KCNJ3: variants seen among roughly 807,000 people sequenced by gnomAD.
The protein encoded by KCNJ3 is G protein-activated inward rectifier potassium channel 1.
Under a neutral mutation model 39.2 loss-of-function variants are expected in KCNJ3, and 4 were observed. The observed-to-expected ratio is 0.10, with a 90% CI of 0.05 to 0.23. KCNJ3 has a LOEUF of 0.23. KCNJ3 is among the 10% of genes least tolerant of loss of function. The pLI is 1.00. For synonymous variants in KCNJ3, 230 were observed against 237.4 expected, an observed-to-expected ratio of 0.97 and a Z score of 0.29; for missense variants, 276 against 634.9, an observed-to-expected ratio of 0.43 and a Z score of 6.08.
chr2:154,772,122 G>T (rs1303321596), intron 2 of KCNJ3, among the ~76,000 whole-genome samples: 1 of 152,158 alleles, frequency 6.6e-6, no homozygotes, highest in Non-Finnish European at 1.5e-5. Context: ...AAAGATGACT[G>T]ACTGGCTTGA....
At chr2:154,731,797 G>T (rs1574438865) in intron 2 of KCNJ3, among the ~76,000 whole-genome samples, 1 of 151,734 alleles carries the variant, frequency 6.6e-6, no homozygotes, top group East Asian at 1.9e-4. Context: ...AAGTGGAGGG[G>T]ATTCCAGGGT....
chr2:154,807,765 A>C (rs1345299154), intron 2 of KCNJ3, among the ~76,000 whole-genome samples: 2 of 152,160 alleles, frequency 1.3e-5, no homozygotes, highest in South Asian at 4.1e-4. Flanking sequence ...GGCAGATCTA[A>C]GAGTTGTTTA....
chr2:154,782,537 C>T (rs113444630), intron 2 of KCNJ3, among the ~76,000 whole-genome samples: 1 of 68,168 alleles, frequency 1.5e-5, no homozygotes, highest in African/African-American at 4.7e-5. Flanking sequence ...CACACACACA[C>T]ACATACACGC....
In KCNJ3 at chr2:154,847,765, A is replaced by T. The variant is rs79204533; in HGVS notation, c.920-6962A>T. ...AAATCAGCAGGGTGGGCCTTAATGTACAGATAATGAAACTAAAGCTTAAAG... is the reference window on the plus strand; with the variant it reads ...AAATCAGCAGGGTGGGCCTTAATGTTCAGATAATGAAACTAAAGCTTAAAG... On this transcript the variant is annotated intron_variant, in intron 2 of 2. Coordinates refer to ENST00000295101, the MANE Select transcript of KCNJ3 (RefSeq NM_002239.4). Among the ~76,000 whole-genome samples the T allele has an allele frequency of 4.6e-5, 7 of 152,318 alleles. No homozygotes were observed. In the East Asian group the frequency reaches 1.3e-3, roughly 29 times the overall value.
At chr2:154,701,620 T>C (rs1462533296) in intron 1 of KCNJ3, among the ~76,000 whole-genome samples, 1 of 152,064 alleles carries the variant, frequency 6.6e-6, no homozygotes, top group Non-Finnish European at 1.5e-5. Context: ...AGATGAAAGA[T>C]GTATAGTGTC....
At chr2:154,719,072 C>T (rs573370929) in intron 2 of KCNJ3, among the ~76,000 whole-genome samples, 1 of 152,104 alleles carries the variant, frequency 6.6e-6, no homozygotes, top group Non-Finnish European at 1.5e-5. Flanking sequence ...GGTCTTGGGA[C>T]TACCTGTATC....
rs1370972437 is a variant in KCNJ3, at chr2:154,728,169, G to A, written c.919+18350G>A. On this transcript the variant is annotated intron_variant, in intron 2 of 2. Coordinates refer to ENST00000295101, the MANE Select transcript of KCNJ3 (RefSeq NM_002239.4). ...TAGTACTCTATATCATATTGCATAT[G>A]TATTAGTATAGATACATACCTGGTT... 2.0e-5 allele frequency among the ~76,000 whole-genome samples: 3 copies of A among 151,726 alleles called. No homozygotes were observed. In the East Asian group the frequency reaches 5.8e-4, roughly 29 times the overall value.
At chr2:154,715,936 C>T (rs1382041144) in intron 2 of KCNJ3, among the ~76,000 whole-genome samples, 2 of 152,100 alleles carry the variant, frequency 1.3e-5, no homozygotes, top group Non-Finnish European at 1.5e-5. Flanking sequence ...TACTTATCAC[C>T]AACTTTACCA....
intron 2 of KCNJ3, among the ~76,000 whole-genome samples, chr2:154,735,121 T>C (rs990172227): frequency 2.2e-5 from 3 of 139,374 alleles, no homozygotes; most frequent in Non-Finnish European, 3.0e-5. Context: ...GAGTCTCGCT[T>C]TGTCGCCCAG....
intron 2 of KCNJ3, among the ~76,000 whole-genome samples, chr2:154,746,352 C>A (rs966159779): frequency 2.6e-5 from 4 of 151,802 alleles, no homozygotes; most frequent in South Asian, 2.1e-4. Context: ...CCCTAGCCCC[C>A]ACATTGTTTA....
At chr2:154,837,786 G>A (rs999584936) in intron 2 of KCNJ3, among the ~76,000 whole-genome samples, 1 of 152,160 alleles carries the variant, frequency 6.6e-6, no homozygotes, top group African/African-American at 2.4e-5. Context: ...GACTGGTGAT[G>A]CCTTTGCATG....
intron 2 of KCNJ3, among the ~76,000 whole-genome samples, chr2:154,781,799 T>G (rs1686444116): frequency 6.6e-6 from 1 of 152,168 alleles, no homozygotes; most frequent in Non-Finnish European, 1.5e-5. Flanking sequence ...ATGATGTAAA[T>G]GTGGAGTATA....
intron 2 of KCNJ3, among the ~76,000 whole-genome samples, chr2:154,759,208 C>A (rs1477525362): frequency 2.0e-5 from 3 of 152,164 alleles, no homozygotes; most frequent in Non-Finnish European, 4.4e-5. Context: ...AGTGCAACAA[C>A]TGCTAGTGCC....
intron 2 of KCNJ3, among the ~76,000 whole-genome samples, chr2:154,815,218 C>G (rs1364179747): frequency 6.6e-6 from 1 of 151,788 alleles, no homozygotes; most frequent in Non-Finnish European, 1.5e-5. Flanking sequence ...AGGAAGAGAG[C>G]CTTCTCAACT....
At position 154,855,329 on chromosome 2, in the gene KCNJ3, G is replaced by A; in HGVS notation, c.*16G>A. Reference sequence around the variant, plus strand: ...CTTCACATAACAAAGCACTCCCTTAGGCATTATTTAATGTTTGATTTAGTA... The same window carrying A: ...CTTCACATAACAAAGCACTCCCTTAAGCATTATTTAATGTTTGATTTAGTA... On this transcript the variant is annotated 3_prime_UTR_variant, in exon 3 of 3. Transcript: ENST00000295101. 13 of 1,507,950 alleles carry A rather than the reference G, an allele frequency of 8.6e-6. No individual in the cohort carries two copies. Among genetic ancestry groups the A allele is most frequent in the Non-Finnish European group, 1.2e-5 (13 of 1,111,384 alleles). The allele number at this position is 1,507,950 out of a possible 1,614,324, so 93.4% of individuals were successfully genotyped here.
chr2:154,731,465 A>G (rs1332808929), intron 2 of KCNJ3, among the ~76,000 whole-genome samples: 2 of 152,028 alleles, frequency 1.3e-5, no homozygotes, highest in African/African-American at 2.4e-5. Context: ...GAATTTATCT[A>G]GTTAATTCAA....
chr2:154,806,086 A>G (rs1686907014), intron 2 of KCNJ3, among the ~76,000 whole-genome samples: 1 of 152,128 alleles, frequency 6.6e-6, no homozygotes, highest in Admixed American at 6.6e-5. Flanking sequence ...AATAGAGTAC[A>G]ATTATCTCAT....
chr2:154,736,070 G>A (rs576357078), intron 2 of KCNJ3, among the ~76,000 whole-genome samples: 1 of 152,156 alleles, frequency 6.6e-6, no homozygotes, highest in South Asian at 2.1e-4. Flanking sequence ...AAAATTTCTT[G>A]TGGCTTTCCT....
intron 2 of KCNJ3, among the ~76,000 whole-genome samples, chr2:154,711,841 T>A (rs1447882777): frequency 6.6e-6 from 1 of 152,102 alleles, no homozygotes; most frequent in African/African-American, 2.4e-5. Flanking sequence ...TAACGTAAAT[T>A]GTTTATTAGA....
Sources: gnomAD v4.1 joint callset for allele counts (sites outside exome capture counted in the v4.1 genomes callset) on GRCh38, gnomAD v4.1.1 for gene constraint, MANE v1.5 for transcripts, NCBI Gene and HGNC (gene_info 2026-07-23, HGNC 2026-07-21) for gene names.